FLRT2: variants seen among roughly 807,000 people sequenced by gnomAD.
FLRT2 encodes the protein leucine-rich repeat transmembrane protein FLRT2.
A neutral mutation model predicts 40.0 loss-of-function variants in FLRT2; 15 were observed. The observed-to-expected ratio is 0.38, with a 90% confidence interval of 0.25 to 0.58. The LOEUF (loss-of-function observed/expected upper bound fraction) is 0.58. Among genes scored for constraint, FLRT2 ranks in the 20% least tolerant of loss-of-function variants. FLRT2 has a pLI of 0.71. For synonymous variants in FLRT2, 380 were observed against 336.8 expected (o/e 1.13, Z -1.41); for missense variants, 726 against 840.0 (o/e 0.86, Z 1.68).
chr14:85,602,952 G>A (rs61247470), intron 1 of FLRT2, among the ~76,000 whole-genome samples: 2,093 of 152,154 alleles, frequency 0.014, 48 homozygotes, highest in African/African-American at 0.047. Context: ...GCATTTGAGC[G>A]CATAACTTCC....
In FLRT2 at chr14:85,650,257, C is replaced by T. The variant is rs895519122; in HGVS notation, c.*26760C>T. ...TATTTTGTGTTCAATATCCTGTTGT[C>T]GAAACATTTCCATGTTCCTTTAATT... On this transcript the variant is annotated 3_prime_UTR_variant, in exon 2 of 2. Transcript: ENST00000330753. 4 of 151,700 alleles carry T rather than the reference C, an allele frequency of 2.6e-5. No homozygotes were observed. Among genetic ancestry groups the T allele is most frequent in the African/African-American group, 4.8e-5 (2 of 41,310 alleles). The allele number at this position is 151,700 out of a possible 1,614,324, so 9.4% of individuals were successfully genotyped here.
chr14:85,611,161 G>T (rs1439364921), intron 1 of FLRT2, among the ~76,000 whole-genome samples: 1 of 152,126 alleles, frequency 6.6e-6, no homozygotes, highest in African/African-American at 2.4e-5. Flanking sequence ...CTCCCAAATT[G>T]CTGGGATTAC....
At chr14:85,617,671 A>G (rs1292854450) in intron 1 of FLRT2, among the ~76,000 whole-genome samples, 1 of 152,222 alleles carries the variant, frequency 6.6e-6, no homozygotes, top group Non-Finnish European at 1.5e-5. Flanking sequence ...AATTTTACCA[A>G]TATGTATACT....
At position 85,560,869 on chromosome 14, in the gene FLRT2, A is replaced by G. The variant is rs1032983213; in HGVS notation, c.-377+30335A>G. 5.8e-4 allele frequency: 88 copies of G among 152,248 alleles called. 1 individual carries two copies. The highest frequency in any genetic ancestry group is 2.0e-3 in the African/African-American group (82 of 41,556). The allele number at this position is 152,248 out of a possible 1,614,324, so 9.4% of individuals were successfully genotyped here. On this transcript the variant is annotated intron_variant, in intron 1 of 1. Coordinates refer to ENST00000330753, the MANE Select transcript of FLRT2 (RefSeq NM_013231.6). ...AATTTTCTTTTCTTCTTTTCGTGCAATTAGATCTTCTTGACTAAGAAAAAA... is the reference window on the plus strand; with the variant it reads ...AATTTTCTTTTCTTCTTTTCGTGCAGTTAGATCTTCTTGACTAAGAAAAAA...
At position 85,581,930 on chromosome 14, in the gene FLRT2, A is replaced by C. The variant is rs563603247; in HGVS notation, c.-376-39209A>C. Among the ~76,000 whole-genome samples, 3 of 152,286 alleles carry C rather than the reference A, an allele frequency of 2.0e-5. No individual in the cohort carries two copies. The South Asian group carries it at 6.2e-4, about 32-fold the overall frequency. ...GTCATTTCATTTCAACTTGGGTCTT[A>C]CTTAGCCTTTGAAAGGATGAAATCC... On this transcript the variant is annotated intron_variant, in intron 1 of 1. Transcript: ENST00000330753.
chr14:85,553,620 G>A (rs1428516821), intron 1 of FLRT2, among the ~76,000 whole-genome samples: 11 of 151,972 alleles, frequency 7.2e-5, no homozygotes, highest in Non-Finnish European at 1.5e-4. Flanking sequence ...CACTTTTATC[G>A]CCAGATCCAA....
At chr14:85,546,789 G>C (rs1889304781) in intron 1 of FLRT2, among the ~76,000 whole-genome samples, 1 of 152,140 alleles carries the variant, frequency 6.6e-6, no homozygotes, top group Admixed American at 6.5e-5. Context: ...TCCAAGTGCT[G>C]AACTCACTTG....
At position 85,583,106 on chromosome 14, in the gene FLRT2, T is replaced by G. The variant is rs1294975716; in HGVS notation, c.-376-38033T>G. Among the ~76,000 whole-genome samples, 5 of 152,254 alleles carry G rather than the reference T, an allele frequency of 3.3e-5. No individual in the cohort carries two copies. The East Asian group carries it at 9.7e-4, about 29-fold the overall frequency. The stretch of plus-strand genomic sequence containing the variant: ...TGAAGGGTTAGGACTCTAGGAACTG[T>G]GTGCAGAAAATCGTTGAAAGATAAT... On this transcript the variant is annotated intron_variant, in intron 1 of 1. Transcript: ENST00000330753.
intron 1 of FLRT2, among the ~76,000 whole-genome samples, chr14:85,534,418 T>G (rs1249581927): frequency 2.6e-5 from 4 of 152,222 alleles, no homozygotes; most frequent in Non-Finnish European, 4.4e-5. Flanking sequence ...ACAGCAAATT[T>G]CAGGGGTGAA....
At position 85,632,639 on chromosome 14, in the gene FLRT2, G is replaced by A. The variant is rs1434867548; in HGVS notation, c.*9142G>A. The A allele has an allele frequency of 6.6e-6, 1 of 151,158 alleles. No homozygotes were observed. Among genetic ancestry groups the A allele is most frequent in the African/African-American group, 2.4e-5 (1 of 41,026 alleles). 9.4% of individuals were successfully genotyped at this position (151,158 alleles called of 1,614,324 possible). ...CATCTTCATCAGCAAAATTAAAAAA[G>A]ACAGTCATTATTCACTATGTCATAT... On this transcript the variant is annotated 3_prime_UTR_variant, in exon 2 of 2. Transcript: ENST00000330753.
chr14:85,595,393 T>C (rs1595065993), intron 1 of FLRT2, among the ~76,000 whole-genome samples: 1 of 148,398 alleles, frequency 6.7e-6, no homozygotes, highest in Non-Finnish European at 1.5e-5. Flanking sequence ...ATCTCACAAA[T>C]GGGCTAGTAA....
At chr14:85,592,644 T>G (rs1891942124) in intron 1 of FLRT2, among the ~76,000 whole-genome samples, 1 of 140,434 alleles carries the variant, frequency 7.1e-6, no homozygotes, top group Non-Finnish European at 1.5e-5. Context: ...CAAAAATTAG[T>G]CGAGCATCAG....
chr14:85,570,469 T>C (rs1397495647), intron 1 of FLRT2, among the ~76,000 whole-genome samples: 1 of 152,084 alleles, frequency 6.6e-6, no homozygotes, highest in Non-Finnish European at 1.5e-5. Flanking sequence ...CTTCAGTTTG[T>C]ACAGTTAATG....
At position 85,650,365 on chromosome 14, in the gene FLRT2, T is replaced by C. The variant is rs1894405018; in HGVS notation, c.*26868T>C. ...ATATAGGTATTTTAATTTTACTGTA[T>C]TATATTGTTGAACATTTCCACTGTT... On this transcript the variant is annotated 3_prime_UTR_variant, in exon 2 of 2. Coordinates refer to ENST00000330753, the MANE Select transcript of FLRT2 (RefSeq NM_013231.6). The C allele has an allele frequency of 3.3e-5, 5 of 152,028 alleles. No homozygotes were observed. In the South Asian group the frequency reaches 1.0e-3, roughly 32 times the overall value. 9.4% of individuals were successfully genotyped at this position (152,028 alleles called of 1,614,324 possible).
At position 85,623,987 on chromosome 14, in the gene FLRT2, T is replaced by TA. The variant is rs1462147986; in HGVS notation, c.*496dup. 1 of 167,220 alleles carries TA rather than the reference T, an allele frequency of 6.0e-6. No homozygotes were observed. The highest frequency in any genetic ancestry group is 2.4e-5 in the African/African-American group (1 of 41,428). 10.4% of individuals were successfully genotyped at this position (167,220 alleles called of 1,614,324 possible). On this transcript the variant is annotated 3_prime_UTR_variant, in exon 2 of 2. Transcript: ENST00000330753. The stretch of plus-strand genomic sequence containing the variant: ...TATACCTCCAGGTCCGGAAGACAGG[T>TA]AAAAAATTCTATAATGTAAGAATGG...
rs1566774526 is a variant in FLRT2, at chr14:85,643,345, TTCTTTCTTTC to T, written c.*19850_*19859del. 1 of 92,390 alleles carries T rather than the reference TTCTTTCTTTC, an allele frequency of 1.1e-5. No homozygotes were observed. Among genetic ancestry groups the T allele is most frequent in the African/African-American group, 3.9e-5 (1 of 25,456 alleles). 5.7% of individuals were successfully genotyped at this position (92,390 alleles called of 1,614,324 possible). A position where few individuals can be genotyped will look rare whatever the true frequency, so the allele number is the denominator to read the frequency against. Reference sequence around the variant, plus strand: ...TTTCTTTCTTTCTTTCTTTCTTTCTTTCTTTCTTTCTTCCTTCCTTCCTTCCTTCCTTTCT... The same window carrying T: ...TTTCTTTCTTTCTTTCTTTCTTTCTTTTCCTTCCTTCCTTCCTTCCTTTCT... On this transcript the variant is annotated 3_prime_UTR_variant, in exon 2 of 2. Coordinates refer to ENST00000330753, the MANE Select transcript of FLRT2 (RefSeq NM_013231.6).
chr14:85,532,601 T>G (rs923498129), intron 1 of FLRT2, among the ~76,000 whole-genome samples: 4 of 152,166 alleles, frequency 2.6e-5, no homozygotes, highest in South Asian at 2.1e-4. Context: ...TGGGGAAATT[T>G]AACAACGCTC....
At chr14:85,550,094 C>T (rs546345407) in intron 1 of FLRT2, among the ~76,000 whole-genome samples, 4 of 151,770 alleles carry the variant, frequency 2.6e-5, no homozygotes, top group South Asian at 2.1e-4. Context: ...CAGCAGGCAT[C>T]GTGGATTATT....
At position 85,583,862 on chromosome 14, in the gene FLRT2, C is replaced by T. The variant is rs573443163; in HGVS notation, c.-376-37277C>T. Among the ~76,000 whole-genome samples the T allele has an allele frequency of 5.3e-5, 8 of 151,684 alleles. No homozygotes were observed. In the South Asian group the frequency reaches 8.4e-4, roughly 16 times the overall value. ...TAGGTGGTGGCTGAATGCAAAGGTG[C>T]GCCTGTAATCCCAGCTACTTGGGGG... On this transcript the variant is annotated intron_variant, in intron 1 of 1. Transcript: ENST00000330753.
Sources: gnomAD v4.1 joint callset for allele counts (sites outside exome capture counted in the v4.1 genomes callset) on GRCh38, gnomAD v4.1.1 for gene constraint, MANE v1.5 for transcripts, NCBI Gene and HGNC (gene_info 2026-07-23, HGNC 2026-07-21) for gene names.